The following SIL1 variants were observed in gnomAD, a reference collection of about 807,000 sequenced individuals.
The protein encoded by SIL1 is nucleotide exchange factor SIL1.
Under a neutral mutation model 49.1 loss-of-function variants are expected in SIL1, and 40 were observed. That is an observed-to-expected ratio of 0.81 (90% CI 0.63 to 1.06). The LOEUF (loss-of-function observed/expected upper bound fraction) is 1.06, where lower values mean the gene tolerates loss of function less well. Ranked by LOEUF, SIL1 falls within the 50% of genes least tolerant of loss-of-function variation. SIL1 has a pLI of 0.00. For missense variants in SIL1, 500 were observed against 572.6 expected (o/e 0.87, Z 1.29); for synonymous variants, 253 against 250.8 (o/e 1.01, Z -0.08).
At chr5:139,150,523 G>C in intron 1 of SIL1, among the ~76,000 whole-genome samples, 1 of 152,100 alleles carries the variant, frequency 6.6e-6, no homozygotes, top group East Asian at 1.9e-4. Context: ...TTCTCAGGTA[G>C]GAGCAACCGT....
At chr5:139,060,107 G>C (rs990805499) in intron 3 of SIL1, among the ~76,000 whole-genome samples, 1 of 152,108 alleles carries the variant, frequency 6.6e-6, no homozygotes, top group African/African-American at 2.4e-5. Context: ...AGTAATACTT[G>C]GTTCATTTGT....
chr5:139,075,371 A>G (rs976293327), intron 3 of SIL1, among the ~76,000 whole-genome samples: 2 of 152,230 alleles, frequency 1.3e-5, no homozygotes, highest in Admixed American at 1.3e-4. Context: ...AAACAAGGAC[A>G]TTAGTCCAAA....
chr5:138,976,718 C>T (rs1269913792), intron 7 of SIL1, among the ~76,000 whole-genome samples: 3 of 152,076 alleles, frequency 2.0e-5, no homozygotes, highest in East Asian at 1.9e-4. Flanking sequence ...GAGTTCGTCT[C>T]TATAACTGAT....
intron 3 of SIL1, among the ~76,000 whole-genome samples, chr5:139,117,894 T>C (rs1403767624): frequency 6.6e-6 from 1 of 152,126 alleles, no homozygotes; most frequent in Non-Finnish European, 1.5e-5. Context: ...GTTTGTCCCC[T>C]GGTGTTCCAG....
chr5:138,952,533 C>T (rs187630614), intron 7 of SIL1, among the ~76,000 whole-genome samples: 1 of 152,350 alleles, frequency 6.6e-6, no homozygotes, highest in Admixed American at 6.5e-5. Flanking sequence ...GCTTCTCTGC[C>T]CTGTATTCTC....
intron 1 of SIL1, among the ~76,000 whole-genome samples, chr5:139,159,628 T>C (rs1322349303): frequency 2.6e-5 from 4 of 152,230 alleles, no homozygotes; most frequent in African/African-American, 9.6e-5. Context: ...TGGAGGGTAT[T>C]TGCATGAAGC....
intron 7 of SIL1, among the ~76,000 whole-genome samples, chr5:138,957,003 G>T (rs1766917470): frequency 6.6e-6 from 1 of 151,978 alleles, no homozygotes; most frequent in Non-Finnish European, 1.5e-5. Context: ...CCAACTGGAA[G>T]CCACCCACGT....
chr5:138,974,425 C>T (rs1420303856), intron 7 of SIL1, among the ~76,000 whole-genome samples: 1 of 152,320 alleles, frequency 6.6e-6, no homozygotes, highest in East Asian at 1.9e-4. Context: ...CTGAGAACAA[C>T]AGGAGATGAC....
chr5:139,072,599 A>T (rs1769857596), intron 3 of SIL1, among the ~76,000 whole-genome samples: 1 of 152,232 alleles, frequency 6.6e-6, no homozygotes, highest in African/African-American at 2.4e-5. Flanking sequence ...ACCCCAAACC[A>T]TGAAACTACT....
rs1212524838 is a variant in SIL1 at position 139,083,930 on chromosome 5, A to C, written c.245-32884T>G. The stretch of plus-strand genomic sequence containing the variant: ...CCAGTTTTCCCAGCACCATTTATTA[A>C]ATAGGGAATCCTTTCCCCATTGCTT... On this transcript the variant is annotated intron_variant, in intron 3 of 9. Transcript: ENST00000394817. 2.6e-3 allele frequency among the ~76,000 whole-genome samples: 230 copies of C among 88,962 alleles called. 2 individuals are homozygous for C. Among genetic ancestry groups the C allele is most frequent in the African/African-American group, 0.01 (219 of 21,798 alleles). 58.4% of individuals were successfully genotyped at this position (88,962 alleles called of 152,430 possible).
chr5:139,128,833 A>G (rs1447624489), intron 1 of SIL1, among the ~76,000 whole-genome samples: 2 of 152,156 alleles, frequency 1.3e-5, no homozygotes, highest in African/African-American at 2.4e-5. Context: ...CGGGGGACCC[A>G]GAATAGCCAA....
At chr5:139,115,886 C>T (rs1256169663) in intron 3 of SIL1, among the ~76,000 whole-genome samples, 1 of 152,240 alleles carries the variant, frequency 6.6e-6, no homozygotes, top group East Asian at 1.9e-4. Context: ...GGACTTGCAA[C>T]TGCCATATGA....
chr5:139,053,855 G>A (rs1040301067), intron 3 of SIL1, among the ~76,000 whole-genome samples: 2 of 152,180 alleles, frequency 1.3e-5, no homozygotes, highest in African/African-American at 4.8e-5. Flanking sequence ...ACAGCACCAT[G>A]AATCCTTTAT....
intron 1 of SIL1, among the ~76,000 whole-genome samples, chr5:139,128,587 T>A (rs950302360): frequency 3.3e-5 from 5 of 151,248 alleles, no homozygotes; most frequent in African/African-American, 1.2e-4. Context: ...AGGATGAGGC[T>A]GTAGTGATCC....
intron 1 of SIL1, among the ~76,000 whole-genome samples, chr5:139,194,930 CTT>C (rs35417485): frequency 1.8e-4 from 25 of 141,582 alleles, no homozygotes; most frequent in Non-Finnish European, 2.2e-4. Flanking sequence ...CTTTCAGAGC[CTT>C]TTTTTTTTTT....
chr5:139,120,487 C>T (rs1034097267), intron 3 of SIL1, among the ~76,000 whole-genome samples: 2 of 152,090 alleles, frequency 1.3e-5, no homozygotes, highest in African/African-American at 4.8e-5. Flanking sequence ...GAAGACTCTG[C>T]AATTGTTGAC....
At chr5:138,983,508 GA>G (rs749818874) in intron 7 of SIL1, among the ~76,000 whole-genome samples, 1,825 of 136,176 alleles carry the variant, frequency 0.013, 32 homozygotes, top group African/African-American at 0.044. Context: ...ATTTTGTCTC[GA>G]AAAAAAAAAA....
intron 3 of SIL1, among the ~76,000 whole-genome samples, chr5:139,108,607 C>T (rs768316699): frequency 6.6e-6 from 1 of 152,240 alleles, no homozygotes; most frequent in Non-Finnish European, 1.5e-5. Context: ...CTTTAGATCA[C>T]TCAGTTCCAC....
At chr5:139,143,308 C>T (rs6863248) in intron 1 of SIL1, among the ~76,000 whole-genome samples, 18,546 of 58,016 alleles carry the variant, frequency 0.32, 1,824 homozygotes, top group African/African-American at 0.42. Flanking sequence ...TACATATATA[C>T]ACACACACAC....
Sources: allele counts gnomAD v4.1 joint callset (sites outside exome capture counted in the v4.1 genomes callset), GRCh38; gene constraint gnomAD v4.1.1; transcripts MANE v1.5; gene names NCBI Gene and HGNC (gene_info 2026-07-23, HGNC 2026-07-21).